The following PPP1R15B variants were observed in gnomAD, a reference collection of about 807,000 sequenced individuals.
The protein encoded by PPP1R15B is protein phosphatase 1 regulatory subunit 15B, also known as protein phosphatase 1, regulatory (inhibitor) subunit 15B.
In PPP1R15B, 31 loss-of-function variants were observed where a neutral mutation model predicts 53.9. The observed-to-expected ratio is 0.58, with a 90% confidence interval of 0.43 to 0.78. The LOEUF is 0.78. PPP1R15B is among the 30% of genes least tolerant of loss of function. PPP1R15B has a pLI of 0.00. For synonymous variants in PPP1R15B, 345 were observed against 329.1 expected (o/e 1.05, Z -0.52); for missense variants, 928 against 849.6 (o/e 1.09, Z -1.15).
rs778301648 is a variant in PPP1R15B, at chr1:204,410,462, T to C, written c.950A>G (p.Asp317Gly). ...ASKGQDLPTP[D>G]QDNGYHSLEE... Reference sequence around the variant, plus strand: ...CAGGCTGTGGTAGCCATTATCCTGGTCAGGGGTGGGTAAATCTTGCCCCTT... The same window carrying C: ...CAGGCTGTGGTAGCCATTATCCTGGCCAGGGGTGGGTAAATCTTGCCCCTT... Residue 317 changes from aspartate to glycine, a missense_variant, in exon 1 of 2, where the codon GAC (aspartate) becomes GGC (glycine). Coordinates refer to ENST00000367188, the MANE Select transcript of PPP1R15B (RefSeq NM_032833.5). 2.9e-5 allele frequency: 47 copies of C among 1,614,172 alleles called. No individual in the cohort carries two copies. The highest frequency in any genetic ancestry group is 3.8e-5 in the Non-Finnish European group (45 of 1,180,026).
rs112614284 is a variant in PPP1R15B at position 204,405,929 on chromosome 1, T to C, written c.*163A>G. 2.2e-5 allele frequency: 31 copies of C among 1,415,034 alleles called. No homozygotes were observed. In the Middle Eastern group the frequency reaches 7.0e-4, roughly 32 times the overall value. The allele number at this position is 1,415,034 out of a possible 1,614,324, so 87.7% of individuals were successfully genotyped here. A position where few individuals can be genotyped will look rare whatever the true frequency, so the allele number is the denominator to read the frequency against. ...TATCAGGGCTGGCTTCAAACCTGAA[T>C]GTTTCTGAGTGGGATATGTTGCAAA... On this transcript the variant is annotated 3_prime_UTR_variant, in exon 2 of 2. Transcript: ENST00000367188.
At chr1:204,397,458 G>C (rs549365375), downstream of PPP1R15B, among the ~76,000 whole-genome samples, 4 of 151,386 alleles carry the variant, frequency 2.6e-5, no homozygotes, top group Non-Finnish European at 5.9e-5. Flanking sequence ...CCCAGGACGC[G>C]GAGGTTACAG....
Position 204,410,949 on chromosome 1 carries a change from C to T in PPP1R15B, c.463G>A (p.Asp155Asn), listed in dbSNP as rs760162799. ...EGIHWQYSPP[D>N]LKLELKAKGS... ...TTGGCCTTAAGCTCCAATTTTAGGT[C>T]TGGGGGCGAGTATTGCCAGTGGATC... The change falls in exon 1 of 2, where the codon GAC becomes AAC. Residue 155 changes from aspartate to asparagine, a missense_variant. By Grantham distance (23) the Asp-to-Asn change is conservative. Transcript: ENST00000367188. 49 of 1,613,986 alleles carry T rather than the reference C, an allele frequency of 3.0e-5. No individual in the cohort carries two copies. Among genetic ancestry groups the T allele is most frequent in the Admixed American group, 2.7e-4 (16 of 59,992 alleles).
At position 204,411,338 on chromosome 1, in the gene PPP1R15B, A is replaced by T. The variant is rs768802113; in HGVS notation, c.74T>A (p.Phe25Tyr). The T allele has an allele frequency of 1.7e-5, 27 of 1,613,886 alleles. No homozygotes were observed. In the East Asian group the frequency reaches 5.6e-4, roughly 33 times the overall value. ...RAGFRFWPPF[F>Y]PRRSQAGSSK... ...AGAGCCTGCTTGCGATCGCCGAGGG[A>T]AAAAGGGTGGCCAGAACCGGAAGCC... Residue 25 changes from phenylalanine to tyrosine, a missense_variant, in exon 1 of 2, where the codon TTC (phenylalanine) becomes TAC (tyrosine). Transcript: ENST00000367188.
At position 204,404,287 on chromosome 1, in the gene PPP1R15B, G is replaced by T; in HGVS notation, c.*1805C>A. 3 of 875,056 alleles carry T rather than the reference G, an allele frequency of 3.4e-6. No individual in the cohort carries two copies. The highest frequency in any genetic ancestry group is 4.1e-6 in the Non-Finnish European group (3 of 729,410). The allele number at this position is 875,056 out of a possible 1,614,324, so 54.2% of individuals were successfully genotyped here. ...TCACGAGGTCAGCAGTTCAAGACCA[G>T]TCTGGCCAACATAGCGAAACCCCGT... On this transcript the variant is annotated 3_prime_UTR_variant, in exon 2 of 2. Transcript: ENST00000367188.
Position 204,405,810 on chromosome 1 carries a change from C to CGGGGA in PPP1R15B, c.*281_*282insTCCCC. 9.0e-7 allele frequency: 1 copy of CGGGGA among 1,105,972 alleles called. No individual in the cohort carries two copies. Among genetic ancestry groups the CGGGGA allele is most frequent in the East Asian group, 5.5e-5 (1 of 18,236 alleles). 68.5% of individuals were successfully genotyped at this position (1,105,972 alleles called of 1,614,324 possible). On this transcript the variant is annotated 3_prime_UTR_variant, in exon 2 of 2. Transcript: ENST00000367188. ...TGCAAAATGACAACTCAAAAAGGTC[C>CGGGGA]CCTTTCCACCTCATGCAGGCAAAGG... is the stretch of plus-strand genomic sequence containing the variant.
At position 204,403,531 on chromosome 1, in the gene PPP1R15B, T is replaced by G; in HGVS notation, c.*2561A>C. ...ATTTAGAGTCTTCTAGTCCCCTAAC[T>G]TTACCTTCCTTAAATTATACAAAAA... On this transcript the variant is annotated 3_prime_UTR_variant, in exon 2 of 2. Coordinates refer to ENST00000367188, the MANE Select transcript of PPP1R15B (RefSeq NM_032833.5). 1.0e-6 allele frequency: 1 copy of G among 973,880 alleles called. No homozygotes were observed. The highest frequency in any genetic ancestry group is 1.2e-6 in the Non-Finnish European group (1 of 819,076). 60.3% of individuals were successfully genotyped at this position (973,880 alleles called of 1,614,324 possible). A position where few individuals can be genotyped will look rare whatever the true frequency, so the allele number is the denominator to read the frequency against.
Position 204,404,075 on chromosome 1 carries a change from G to C in PPP1R15B, c.*2017C>G. The C allele has an allele frequency of 1.0e-6, 1 of 985,412 alleles. No individual in the cohort carries two copies. Among genetic ancestry groups the C allele is most frequent in the Non-Finnish European group, 1.2e-6 (1 of 829,924 alleles). The allele number at this position is 985,412 out of a possible 1,614,324, so 61.0% of individuals were successfully genotyped here. A position where few individuals can be genotyped will look rare whatever the true frequency, so the allele number is the denominator to read the frequency against. On this transcript the variant is annotated 3_prime_UTR_variant, in exon 2 of 2. Transcript: ENST00000367188. ...TCAGCCTGGTTTTAAAAGAATGCCT[G>C]TATGTTGTCAAAAGGCTTTTTTCAA... is the stretch of plus-strand genomic sequence containing the variant.
At chr1:204,408,550 T>C (rs1674304814) in intron 1 of PPP1R15B, among the ~76,000 whole-genome samples, 1 of 152,134 alleles carries the variant, frequency 6.6e-6, no homozygotes, top group African/African-American at 2.4e-5. Context: ...CAATAATAAC[T>C]CACCCACTAA....
rs1426422877 is a variant in PPP1R15B at position 204,409,349 on chromosome 1, C to T, written c.1920+143G>A. On this transcript the variant is annotated intron_variant, in intron 1 of 1. Transcript: ENST00000367188. The stretch of plus-strand genomic sequence containing the variant: ...GGGACAGGAGGAGAAGGGTCATTTA[C>T]ATATTTCTCAATCCAAGTATATGAA... 3.3e-6 allele frequency: 3 copies of T among 897,422 alleles called. No individual in the cohort carries two copies. The African/African-American group carries it at 5.1e-5, about 15-fold the overall frequency. The allele number at this position is 897,422 out of a possible 1,614,324, so 55.6% of individuals were successfully genotyped here. A position where few individuals can be genotyped will look rare whatever the true frequency, so the allele number is the denominator to read the frequency against.
At chr1:204,396,548 CTGT>C (rs1276452060), downstream of PPP1R15B, among the ~76,000 whole-genome samples, 28 of 72,100 alleles carry the variant, frequency 3.9e-4, no homozygotes, top group Admixed American at 2.4e-3. Context: ...AAGACCCTGT[CTGT>C]CAAAAAAAAA....
rs1674252438 is a variant in PPP1R15B, at chr1:204,405,666, T to G, written c.*426A>C. 1.0e-6 allele frequency: 1 copy of G among 984,354 alleles called. No homozygotes were observed. The highest frequency in any genetic ancestry group is 1.2e-6 in the Non-Finnish European group (1 of 828,356). The allele number at this position is 984,354 out of a possible 1,614,324, so 61.0% of individuals were successfully genotyped here. A position where few individuals can be genotyped will look rare whatever the true frequency, so the allele number is the denominator to read the frequency against. On this transcript the variant is annotated 3_prime_UTR_variant, in exon 2 of 2. Coordinates refer to ENST00000367188, the MANE Select transcript of PPP1R15B (RefSeq NM_032833.5). ...TAAAAGCCCATTAACTTCTGAATTT[T>G]GGGAAAGAAACAAGAAAGAGCCCAA... is the stretch of plus-strand genomic sequence containing the variant.
Position 204,410,363 on chromosome 1 carries a change from G to A in PPP1R15B, c.1049C>T (p.Ala350Val), listed in dbSNP as rs773569524. Residue 350 changes from alanine (A) to valine (V), a missense_variant, in exon 1 of 2, where the codon GCT becomes GTT. By Grantham distance (64) the Ala-to-Val change is moderately conservative. Coordinates refer to ENST00000367188, the MANE Select transcript of PPP1R15B (RefSeq NM_032833.5). ...RDNPTQFVPA[A>V]GDIPGNTQES... ...CTGGGTGTTTCCAGGAATGTCTCCA[G>A]CAGCAGGAACAAACTGTGTTGGGTT... 1.9e-6 allele frequency: 3 copies of A among 1,614,164 alleles called. No homozygotes were observed. The highest frequency in any genetic ancestry group is 1.1e-5 in the South Asian group (1 of 91,076).
downstream of PPP1R15B, among the ~76,000 whole-genome samples, chr1:204,400,502 AT>A (rs201551536): frequency 3.5e-3 from 394 of 112,918 alleles, 2 homozygotes; most frequent in African/African-American, 0.012. Context: ...TTTTTTTTGT[AT>A]TTTTTGTAGA....
Position 204,404,153 on chromosome 1 carries a change from G to A in PPP1R15B, c.*1939C>T, listed in dbSNP as rs1674223509. 1 of 985,340 alleles carries A rather than the reference G, an allele frequency of 1.0e-6. No homozygotes were observed. Among genetic ancestry groups the A allele is most frequent in the Non-Finnish European group, 1.2e-6 (1 of 829,890 alleles). 61.0% of individuals were successfully genotyped at this position (985,340 alleles called of 1,614,324 possible). On this transcript the variant is annotated 3_prime_UTR_variant, in exon 2 of 2. Coordinates refer to ENST00000367188, the MANE Select transcript of PPP1R15B (RefSeq NM_032833.5). The stretch of plus-strand genomic sequence containing the variant: ...CATTGCTGTTGCTTGAAACTAGCCT[G>A]TTTTCATGTTATTAGACCATCCTGT...
rs886505729 is a variant in PPP1R15B, at chr1:204,409,350, A to G, written c.1920+142T>C. ...GGACAGGAGGAGAAGGGTCATTTAC[A>G]TATTTCTCAATCCAAGTATATGAAT... is the stretch of plus-strand genomic sequence containing the variant. On this transcript the variant is annotated intron_variant, in intron 1 of 1. Coordinates refer to ENST00000367188, the MANE Select transcript of PPP1R15B (RefSeq NM_032833.5). The G allele has an allele frequency of 5.9e-5, 53 of 898,002 alleles. No homozygotes were observed. In the African/African-American group the frequency reaches 6.7e-4, roughly 11 times the overall value. 55.6% of individuals were successfully genotyped at this position (898,002 alleles called of 1,614,324 possible). A position where few individuals can be genotyped will look rare whatever the true frequency, so the allele number is the denominator to read the frequency against.
chr1:204,406,468 TA>T (rs1027111028), intron 1 of PPP1R15B, among the ~76,000 whole-genome samples, 155 bp from the exon 2 acceptor site: 2 of 151,210 alleles, frequency 1.3e-5, no homozygotes, highest in African/African-American at 2.4e-5. Flanking sequence ...TATTTGAAGT[TA>T]AAAAAAAAGT....
In PPP1R15B at chr1:204,411,652, G is replaced by C; in HGVS notation, c.-241C>G. 5.1e-6 allele frequency: 3 copies of C among 593,520 alleles called. No homozygotes were observed. Among genetic ancestry groups the C allele is most frequent in the Non-Finnish European group, 3.0e-6 (1 of 336,138 alleles). The allele number at this position is 593,520 out of a possible 1,614,324, so 36.8% of individuals were successfully genotyped here. ...CTGATGCGACTTCCATCCTGGCGGGGAAGGAGGTTCCCTAGTCGGCTCGAC... is the reference window on the plus strand; with the variant it reads ...CTGATGCGACTTCCATCCTGGCGGGCAAGGAGGTTCCCTAGTCGGCTCGAC... On this transcript the variant is annotated 5_prime_UTR_variant, in exon 1 of 2. Transcript: ENST00000367188.
chr1:204,406,886 A>G (rs988465730), intron 1 of PPP1R15B, among the ~76,000 whole-genome samples: 13 of 151,874 alleles, frequency 8.6e-5, no homozygotes, highest in African/African-American at 3.2e-4. Flanking sequence ...ATATACACAC[A>G]CAGTCGTCTG....
Sources: gnomAD v4.1 joint callset for allele counts (sites outside exome capture counted in the v4.1 genomes callset) on GRCh38, gnomAD v4.1.1 for gene constraint, MANE v1.5 for transcripts, NCBI Gene and HGNC (gene_info 2026-07-23, HGNC 2026-07-21) for gene names.